The following SLAIN2 variants were observed in gnomAD, a reference collection of about 807,000 sequenced individuals.
The protein encoded by SLAIN2 is SLAIN family member 2, also known as SLAIN motif-containing protein 2.
In SLAIN2, 31 loss-of-function variants were observed where a neutral mutation model predicts 56.6. That is an observed-to-expected ratio of 0.55 (90% CI 0.41 to 0.74). The LOEUF is 0.74. Among genes scored for constraint, SLAIN2 ranks in the 30% least tolerant of loss-of-function variants. The probability of loss-of-function intolerance (pLI) is 0.00; values close to 1 mark genes in which losing one functional copy is unlikely to be tolerated. For missense variants in SLAIN2, 777 were observed against 754.2 expected (o/e 1.03, Z -0.35); for synonymous variants, 317 against 284.9 (o/e 1.11, Z -1.13).
intron 6 of SLAIN2, chr4:48,394,462 G>C (rs550734626): frequency 1.3e-6 from 1 of 752,602 alleles, no homozygotes; most frequent in Non-Finnish European, 2.1e-6. Flanking sequence ...GCACCTTATG[G>C]CTTCTGTTCT....
At position 48,368,284 on chromosome 4, in the gene SLAIN2, C is replaced by T. The variant is rs1209576358; in HGVS notation, c.390-1565C>T. 4.6e-5 allele frequency among the ~76,000 whole-genome samples: 7 copies of T among 152,176 alleles called. 1 individual carries two copies. Among genetic ancestry groups the T allele is most frequent in the South Asian group, 4.1e-4 (2 of 4,824 alleles). The stretch of plus-strand genomic sequence containing the variant: ...AGATGTTGGCCAGGCTGGTCTTGAA[C>T]TCCTGACCTCAGGTGATCCACCTGC... On this transcript the variant is annotated intron_variant, in intron 1 of 7. Coordinates refer to ENST00000264313, the MANE Select transcript of SLAIN2 (RefSeq NM_020846.2).
chr4:48,403,142 T>C (rs1716599255), intron 6 of SLAIN2, among the ~76,000 whole-genome samples: 4 of 152,166 alleles, frequency 2.6e-5, no homozygotes, highest in Admixed American at 2.0e-4. Context: ...AACTCTCCTT[T>C]ATGAGGTATC....
At chr4:48,385,629 T>C (rs1377597252) in intron 6 of SLAIN2, among the ~76,000 whole-genome samples, 10 of 122,568 alleles carry the variant, frequency 8.2e-5, no homozygotes, top group East Asian at 2.7e-4. Context: ...CATTTTCATC[T>C]TTTTTTTTCT....
chr4:48,378,115 G>A, intron 3 of SLAIN2, 55 bp downstream of exon 3: 1 of 1,521,376 alleles, frequency 6.6e-7, no homozygotes, highest in Non-Finnish European at 8.9e-7. Flanking sequence ...TTACTGCACT[G>A]TATCAGAAAA....
intron 1 of SLAIN2, among the ~76,000 whole-genome samples, chr4:48,357,020 C>T (rs1202918280): frequency 4.0e-5 from 6 of 151,856 alleles, no homozygotes; most frequent in Non-Finnish European, 4.4e-5. Flanking sequence ...GAAAATAGCT[C>T]TGTTCTAAAA....
chr4:48,388,489 C>T (rs1225094915), intron 6 of SLAIN2, among the ~76,000 whole-genome samples: 1 of 152,248 alleles, frequency 6.6e-6, no homozygotes, highest in East Asian at 1.9e-4. Flanking sequence ...AAAAATGATA[C>T]CCAAATTTTA....
chr4:48,392,612 CT>C (rs1716265007), intron 6 of SLAIN2, among the ~76,000 whole-genome samples: 1 of 152,082 alleles, frequency 6.6e-6, no homozygotes, highest in Non-Finnish European at 1.5e-5. Context: ...TTTTCAATTG[CT>C]TTTCCCTCTA....
chr4:48,370,143 T>C (rs1715625814), intron 2 of SLAIN2, 146 bp downstream of exon 2: 1 of 796,512 alleles, frequency 1.3e-6, no homozygotes, highest in Admixed American at 3.1e-5. Flanking sequence ...GTTTTTCCCA[T>C]GTTCACATAA....
intron 5 of SLAIN2, 83 bp downstream of exon 5, chr4:48,383,010 T>A (rs1297515097): frequency 5.0e-6 from 7 of 1,412,152 alleles, no homozygotes; most frequent in South Asian, 3.0e-5. Context: ...AGGAAAAAAA[T>A]TTTCAAAATT....
chr4:48,362,697 G>A (rs968869757), intron 1 of SLAIN2, among the ~76,000 whole-genome samples: 1 of 145,426 alleles, frequency 6.9e-6, no homozygotes. Context: ...GGGATTATAG[G>A]TGTGAGCCAC....
At chr4:48,387,215 A>G (rs1716123756) in intron 6 of SLAIN2, among the ~76,000 whole-genome samples, 1 of 152,216 alleles carries the variant, frequency 6.6e-6, no homozygotes, top group Admixed American at 6.5e-5. Context: ...AGAAAAAACA[A>G]AAGGTTGGGA....
intron 4 of SLAIN2, among the ~76,000 whole-genome samples, chr4:48,380,285 C>T (rs1234702352): frequency 6.6e-6 from 1 of 152,044 alleles, no homozygotes; most frequent in Non-Finnish European, 1.5e-5. Flanking sequence ...AATCTTAATA[C>T]CACAAGATAT....
intron 1 of SLAIN2, among the ~76,000 whole-genome samples, chr4:48,362,749 TCTTTTTTTTTTTTTTTTA>T (rs1715366406): frequency 2.5e-5 from 3 of 118,474 alleles, no homozygotes; most frequent in African/African-American, 9.6e-5. Flanking sequence ...TTTTTTTTAT[TCTTTTTTTTTTTTTTTTA>T]AATTTATTTT....
chr4:48,383,857 G>T (rs377667950), intron 6 of SLAIN2, 73 bp downstream of exon 6: 4 of 1,484,804 alleles, frequency 2.7e-6, no homozygotes, highest in Non-Finnish European at 3.6e-6. Flanking sequence ...TTTGTTTTAT[G>T]CTGAAAAACC....
intron 1 of SLAIN2, among the ~76,000 whole-genome samples, chr4:48,358,343 G>T (rs1187163838): frequency 6.6e-6 from 1 of 150,524 alleles, no homozygotes; most frequent in East Asian, 1.9e-4. Context: ...TTTTGAGACG[G>T]AGTTTCACTC....
intron 4 of SLAIN2, among the ~76,000 whole-genome samples, chr4:48,382,217 C>T (rs1715988869): frequency 6.6e-6 from 1 of 151,984 alleles, no homozygotes; most frequent in African/African-American, 2.4e-5. Flanking sequence ...AATTGTTTCC[C>T]CTCAATATTC....
rs550579499 is a variant in SLAIN2, at chr4:48,416,727, A to G, written c.1361-3398A>G. On this transcript the variant is annotated intron_variant, in intron 6 of 7. Coordinates refer to ENST00000264313, the MANE Select transcript of SLAIN2 (RefSeq NM_020846.2). ...CTCAAAGCCGCTCAACTACATGGAA[A>G]CTGAACAACCTGCTCCTGAATGACT... Among the ~76,000 whole-genome samples the G allele has an allele frequency of 8.5e-3, 1,271 of 150,404 alleles. 8 individuals carry two copies. The highest frequency in any genetic ancestry group is 0.015 in the Non-Finnish European group (991 of 67,676).
At chr4:48,393,386 T>TTGTGTGTGTGTGTGTGTGTGTG (rs57142552) in intron 6 of SLAIN2, among the ~76,000 whole-genome samples, 27 of 135,348 alleles carry the variant, frequency 2.0e-4, no homozygotes, top group Non-Finnish European at 3.6e-4. Flanking sequence ...CATGTCTGGC[T>TTGTGTGTGTGTGTGTGTGTGTG]TGTGTGTGTG....
chr4:48,402,019 A>G (rs1716568444), intron 6 of SLAIN2, among the ~76,000 whole-genome samples: 1 of 152,018 alleles, frequency 6.6e-6, no homozygotes, highest in African/African-American at 2.4e-5. Context: ...TTTCTCCTTC[A>G]CTTATGCAGC....
Sources: allele counts gnomAD v4.1 joint callset (sites outside exome capture counted in the v4.1 genomes callset), GRCh38; gene constraint gnomAD v4.1.1; transcripts MANE v1.5; gene names NCBI Gene and HGNC (gene_info 2026-07-23, HGNC 2026-07-21).